The following PLCB1 variants were observed in gnomAD, a reference collection of about 807,000 sequenced individuals.
PLCB1 encodes the protein phospholipase C beta 1, also known as 1-phosphatidylinositol 4,5-bisphosphate phosphodiesterase beta-1.
Under a neutral mutation model 161.8 loss-of-function variants are expected in PLCB1, and 46 were observed. That is an observed-to-expected ratio of 0.28 (90% CI 0.22 to 0.36). The LOEUF is 0.36. PLCB1 is among the 10% of genes least tolerant of loss of function. The pLI is 1.00. For missense variants in PLCB1, 1,016 were observed against 1,472.5 expected, an observed-to-expected ratio of 0.69 and a Z score of 5.07; for synonymous variants, 517 against 503.7, an observed-to-expected ratio of 1.03 and a Z score of -0.35.
At chr20:8,297,432 T>C (rs1361231553) in intron 2 of PLCB1, among the ~76,000 whole-genome samples, 1 of 152,156 alleles carries the variant, frequency 6.6e-6, no homozygotes, top group Non-Finnish European at 1.5e-5. Flanking sequence ...GGAAATTAGC[T>C]GAGTACATCG....
At chr20:8,658,725 C>T in intron 9 of PLCB1, 21 bp downstream of exon 9, 1 of 1,574,774 alleles carries the variant, frequency 6.4e-7, no homozygotes, top group Non-Finnish European at 8.6e-7. Context: ...TCTTTCACAC[C>T]AAAGGGAAGC....
chr20:8,307,263 G>A (rs373047051), intron 2 of PLCB1, among the ~76,000 whole-genome samples: 43 of 152,284 alleles, frequency 2.8e-4, no homozygotes, highest in African/African-American at 9.1e-4. Context: ...CAGTTGAAAG[G>A]CTCTGTCTCT....
intron 3 of PLCB1, among the ~76,000 whole-genome samples, chr20:8,537,107 T>G (rs1468058472): frequency 3.9e-5 from 6 of 152,166 alleles, no homozygotes; most frequent in Non-Finnish European, 7.3e-5. Context: ...AAGAAAGAAT[T>G]TGACTGAGGG....
intron 11 of PLCB1, among the ~76,000 whole-genome samples, chr20:8,702,414 A>C (rs1263317195): frequency 6.6e-6 from 1 of 152,220 alleles, no homozygotes; most frequent in Non-Finnish European, 1.5e-5. Flanking sequence ...ATAAGATGGA[A>C]AACTGGATAA....
chr20:8,305,055 C>T (rs1158281929), intron 2 of PLCB1, among the ~76,000 whole-genome samples: 1 of 152,184 alleles, frequency 6.6e-6, no homozygotes, highest in Non-Finnish European at 1.5e-5. Flanking sequence ...ATCCTTTGAA[C>T]AGTCAGCAAT....
chr20:8,764,426 A>T (rs1204277372), intron 25 of PLCB1, among the ~76,000 whole-genome samples: 11 of 152,136 alleles, frequency 7.2e-5, no homozygotes, highest in Admixed American at 7.2e-4. Flanking sequence ...ACTTTCCATG[A>T]GTTCTTTTAT....
chr20:8,837,840 G>T (rs1271396757), intron 31 of PLCB1, among the ~76,000 whole-genome samples: 1 of 152,178 alleles, frequency 6.6e-6, no homozygotes, highest in Non-Finnish European at 1.5e-5. Flanking sequence ...AATGTAATGG[G>T]AATAATTGGA....
intron 23 of PLCB1, among the ~76,000 whole-genome samples, chr20:8,752,801 A>G (rs1443988229): frequency 6.6e-6 from 1 of 152,038 alleles, no homozygotes; most frequent in Non-Finnish European, 1.5e-5. Flanking sequence ...TCAAAAAAAA[A>G]AAAAAAAGTG....
chr20:8,681,575 A>G (rs6055995), intron 9 of PLCB1, among the ~76,000 whole-genome samples: 90,375 of 152,020 alleles, frequency 0.59, 27,483 homozygotes, highest in African/African-American at 0.71. Flanking sequence ...TATGATATGC[A>G]TGTGTATACA....
chr20:8,326,954 T>C (rs569680838), intron 2 of PLCB1, among the ~76,000 whole-genome samples: 99 of 152,222 alleles, frequency 6.5e-4, no homozygotes, highest in African/African-American at 2.4e-3. Context: ...GGCACAATCA[T>C]GATTCACTGT....
At chr20:8,479,224 A>G (rs1982401419) in intron 3 of PLCB1, among the ~76,000 whole-genome samples, 1 of 152,188 alleles carries the variant, frequency 6.6e-6, no homozygotes. Flanking sequence ...ATAGCATTAT[A>G]GAATAGGTGC....
At chr20:8,643,414 G>A (rs142796551) in intron 4 of PLCB1, among the ~76,000 whole-genome samples, 95 of 152,172 alleles carry the variant, frequency 6.2e-4, no homozygotes, top group Non-Finnish European at 1.3e-3. Flanking sequence ...CTCCTGCCAT[G>A]TTAGCTCACC....
At chr20:8,702,346 C>T (rs1978413127) in intron 11 of PLCB1, among the ~76,000 whole-genome samples, 1 of 152,188 alleles carries the variant, frequency 6.6e-6, no homozygotes, top group Non-Finnish European at 1.5e-5. Flanking sequence ...CACCTACCCA[C>T]CTCCTTCCCA....
intron 3 of PLCB1, among the ~76,000 whole-genome samples, chr20:8,377,122 AAACAGAT>A (rs1401995772): frequency 2.6e-5 from 4 of 152,098 alleles, no homozygotes; most frequent in African/African-American, 4.8e-5. Context: ...GGGGTAGGGG[AAACAGAT>A]AACAGATAAG....
At chr20:8,394,916 A>G (rs551321618) in intron 3 of PLCB1, among the ~76,000 whole-genome samples, 1 of 152,334 alleles carries the variant, frequency 6.6e-6, no homozygotes, top group East Asian at 1.9e-4. Context: ...AAAAATAGTA[A>G]GGTCATGTTA....
intron 23 of PLCB1, 114 bp downstream of exon 23, chr20:8,741,687 A>G (rs1450108741): frequency 1.5e-6 from 1 of 657,982 alleles, no homozygotes; most frequent in African/African-American, 1.8e-5. Flanking sequence ...ACATTGGAAC[A>G]ACACTTTCAT....
chr20:8,764,138 G>T (rs946558265), intron 25 of PLCB1, among the ~76,000 whole-genome samples: 1 of 152,078 alleles, frequency 6.6e-6, no homozygotes, highest in Non-Finnish European at 1.5e-5. Flanking sequence ...CTGCACTCCA[G>T]CCTGCGCAAC....
chr20:8,391,142 A>G (rs1371233405), intron 3 of PLCB1, among the ~76,000 whole-genome samples: 3 of 152,110 alleles, frequency 2.0e-5, no homozygotes, highest in African/African-American at 7.2e-5. Flanking sequence ...GATTGTCACT[A>G]TAATCTATAT....
intron 2 of PLCB1, among the ~76,000 whole-genome samples, chr20:8,178,381 T>C (rs570734406): frequency 2.6e-5 from 4 of 152,332 alleles, no homozygotes; most frequent in African/African-American, 9.6e-5. Flanking sequence ...TTGATTGGCA[T>C]TTCTCTCATG....
Sources: gnomAD v4.1 joint callset for allele counts (sites outside exome capture counted in the v4.1 genomes callset) on GRCh38, gnomAD v4.1.1 for gene constraint, MANE v1.5 for transcripts, NCBI Gene and HGNC (gene_info 2026-07-23, HGNC 2026-07-21) for gene names.